The following PCDHGA5 variants were observed in gnomAD, a reference collection of about 807,000 sequenced individuals.
The protein encoded by PCDHGA5 is protocadherin gamma subfamily A, 5.
Under a neutral mutation model 56.7 loss-of-function variants are expected in PCDHGA5, and 36 were observed. That is an observed-to-expected ratio of 0.64 (90% CI 0.49 to 0.84). PCDHGA5 has a LOEUF of 0.84. Ranked by LOEUF, PCDHGA5 falls within the 40% of genes least tolerant of loss-of-function variation. The pLI, the probability that PCDHGA5 is intolerant of heterozygous loss-of-function variation, is 0.00. For synonymous variants in PCDHGA5, 563 were observed against 520.2 expected (o/e 1.08, Z -1.12); for missense variants, 1,305 against 1,201.5 (o/e 1.09, Z -1.27).
In PCDHGA5 at chr5:141,491,715, G is replaced by A. The variant is rs1333909488; in HGVS notation, c.2422-3092G>A. 1 of 1,607,782 alleles carries A rather than the reference G, an allele frequency of 6.2e-7. No individual in the cohort carries two copies. Among genetic ancestry groups the A allele is most frequent in the Admixed American group, 1.7e-5 (1 of 58,966 alleles). On this transcript the variant is annotated intron_variant, in intron 1 of 3. Transcript: ENST00000518069. This position sits in a 1 kb window ranked among gnomAD's most constrained non-coding sequence, Gnocchi z 6.9. ...AGCGGAGCCAGGTGAGGGGCTCGGC[G>A]CCGCCCCGGGCGACCCCTGGGGGCG...
At chr5:141,380,907 C>T (rs1406481355) in intron 1 of PCDHGA5, among the ~76,000 whole-genome samples, 3 of 152,296 alleles carry the variant, frequency 2.0e-5, no homozygotes, top group Admixed American at 6.5e-5. Flanking sequence ...TCTACAAGTG[C>T]TTACATTGTT....
chr5:141,450,092 C>T (rs761677942), intron 1 of PCDHGA5, among the ~76,000 whole-genome samples: 2 of 148,672 alleles, frequency 1.3e-5, no homozygotes, highest in Non-Finnish European at 3.0e-5. Flanking sequence ...CTGCAACCTC[C>T]GCCTCCCAGG....
intron 1 of PCDHGA5, chr5:141,409,037 T>G (rs770619339): frequency 1.2e-6 from 2 of 1,613,992 alleles, no homozygotes; most frequent in South Asian, 2.2e-5. Context: ...TGAGATAAAC[T>G]ACTACTTCCG....
chr5:141,403,607 G>A (rs2094432931), intron 1 of PCDHGA5: 6 of 1,613,854 alleles, frequency 3.7e-6, no homozygotes, highest in Non-Finnish European at 5.1e-6. Flanking sequence ...GGATGGCGGC[G>A]AGCCGCGTCG....
At position 141,494,852 on chromosome 5, in the gene PCDHGA5, C is replaced by T. The variant is rs755464933; in HGVS notation, c.2467C>T (p.Pro823Ser). ...TDWRFSQAQR[P>S]GTSGSQNGDD... is the part of the protein sequence containing the mutation. Reference sequence around the variant, plus strand: ...CTGGCGTTTCTCTCAGGCCCAGAGACCCGGCACCAGCGGGTAGGTGACTGA... The same window carrying T: ...CTGGCGTTTCTCTCAGGCCCAGAGATCCGGCACCAGCGGGTAGGTGACTGA... The change falls in exon 2 of 4, where the codon CCC (proline) becomes TCC (serine). Residue 823 changes from proline (P) to serine (S), a missense_variant. Coordinates refer to ENST00000518069, the MANE Select transcript of PCDHGA5 (RefSeq NM_018918.3). 6 of 1,614,042 alleles carry T rather than the reference C, an allele frequency of 3.7e-6. No homozygotes were observed. Among genetic ancestry groups the T allele is most frequent in the Admixed American group, 1.7e-5 (1 of 60,000 alleles).
intron 1 of PCDHGA5, chr5:141,374,248 G>A (rs1259243407): frequency 1.9e-6 from 3 of 1,613,890 alleles, no homozygotes. Context: ...TGGGACTGGA[G>A]CCCCAGGAGT....
chr5:141,478,604 T>C (rs1425759709), intron 1 of PCDHGA5: 2 of 1,562,580 alleles, frequency 1.3e-6, no homozygotes, highest in South Asian at 2.3e-5. Context: ...CTACATCATA[T>C]TGAGGAAGGA....
chr5:141,428,358 G>T, intron 1 of PCDHGA5: 1 of 565,492 alleles, frequency 1.8e-6, no homozygotes, highest in Non-Finnish European at 3.2e-6. Flanking sequence ...TGATTTTGGC[G>T]GTCGCCTTGC....
At chr5:141,421,529 C>T in intron 1 of PCDHGA5, 1 of 1,614,020 alleles carries the variant, frequency 6.2e-7, no homozygotes, top group Non-Finnish European at 8.5e-7. Flanking sequence ...GAGACGGTGT[C>T]CTCCTGTTTT....
intron 1 of PCDHGA5, chr5:141,399,577 T>C: frequency 1.2e-6 from 2 of 1,613,972 alleles, no homozygotes; most frequent in Non-Finnish European, 1.7e-6. Context: ...CGGCCAAGTC[T>C]CCTACTCTAT....
intron 1 of PCDHGA5, among the ~76,000 whole-genome samples, chr5:141,492,356 G>A (rs2099739649): frequency 6.6e-6 from 1 of 152,198 alleles, no homozygotes; most frequent in Non-Finnish European, 1.5e-5. Context: ...ACTGCCACTC[G>A]CTCGCGGCCA....
chr5:141,492,220 C>T (rs1388948434), intron 1 of PCDHGA5, among the ~76,000 whole-genome samples: 2 of 152,190 alleles, frequency 1.3e-5, no homozygotes, highest in Non-Finnish European at 1.5e-5. Context: ...GGGGCTCATG[C>T]GTGTCCTCCC....
Position 141,511,231 on chromosome 5 carries a change from C to T in PCDHGA5, c.*58C>T. On this transcript the variant is annotated 3_prime_UTR_variant, in exon 4 of 4. Coordinates refer to ENST00000518069, the MANE Select transcript of PCDHGA5 (RefSeq NM_018918.3). ...CTCTCCCCAACCAGCCCAGCTTCTC[C>T]TTACCTGCACCCAGGCCTCAGAGTT... 2 of 1,595,900 alleles carry T rather than the reference C, an allele frequency of 1.3e-6. No individual in the cohort carries two copies. The highest frequency in any genetic ancestry group is 2.2e-5 in the South Asian group (2 of 88,992).
intron 1 of PCDHGA5, chr5:141,441,971 G>C: frequency 3.3e-6 from 1 of 298,820 alleles, no homozygotes; most frequent in Admixed American, 4.4e-5. Flanking sequence ...AGGCTCTTCA[G>C]CCTGGAATGC....
At chr5:141,413,344 G>A in intron 1 of PCDHGA5, 1 of 1,613,986 alleles carries the variant, frequency 6.2e-7, no homozygotes. Context: ...CAAGGACTTG[G>A]GTCTGGCGCC....
At chr5:141,463,653 G>T (rs1378583183) in intron 1 of PCDHGA5, among the ~76,000 whole-genome samples, 1 of 151,764 alleles carries the variant, frequency 6.6e-6, no homozygotes. Context: ...GGGTTTCACC[G>T]TGTTAGCCAG....
chr5:141,375,347 G>C, intron 1 of PCDHGA5: 2 of 1,613,852 alleles, frequency 1.2e-6, no homozygotes, highest in Non-Finnish European at 1.7e-6. Flanking sequence ...CAACATCACT[G>C]TGACAGCCAC....
intron 1 of PCDHGA5, among the ~76,000 whole-genome samples, chr5:141,450,572 T>A (rs1276283357): frequency 6.6e-6 from 1 of 151,710 alleles, no homozygotes; most frequent in African/African-American, 2.4e-5. Flanking sequence ...CTGCAACTTC[T>A]GCCTCCCAGG....
chr5:141,403,773 A>T, intron 1 of PCDHGA5: 1 of 1,613,956 alleles, frequency 6.2e-7, no homozygotes, highest in South Asian at 1.1e-5. Context: ...GAGGGAATCA[A>T]CGGAAAAGTG....
Sources: allele counts gnomAD v4.1 joint callset (sites outside exome capture counted in the v4.1 genomes callset), GRCh38; gene constraint gnomAD v4.1.1; non-coding constraint Gnocchi (gnomAD v3.1); transcripts MANE v1.5; gene names NCBI Gene and HGNC (gene_info 2026-07-23, HGNC 2026-07-21).